PLB1: variants seen among roughly 807,000 people sequenced by gnomAD.
PLB1 encodes the protein phospholipase B1, membrane-associated.
A neutral mutation model predicts 227.4 loss-of-function variants in PLB1; 242 were observed. That is an observed-to-expected ratio of 1.06 (90% confidence interval 0.96 to 1.18). The LOEUF is 1.18. PLB1 is among the 50% of genes most tolerant of loss of function. The pLI is 0.00. For synonymous variants in PLB1, 757 were observed against 682.2 expected (o/e 1.11, Z -1.71); for missense variants, 1,858 against 1,816.3 (o/e 1.02, Z -0.42).
At chr2:28,625,240 C>T (rs995039552) in intron 50 of PLB1, 132 bp downstream of exon 50, 2 of 823,770 alleles carry the variant, frequency 2.4e-6, no homozygotes, top group African/African-American at 1.8e-5. Context: ...CTCGGAGAAG[C>T]AGTCCTTACC....
intron 4 of PLB1, among the ~76,000 whole-genome samples, chr2:28,522,916 C>G (rs1329156077): frequency 6.6e-6 from 1 of 152,152 alleles, no homozygotes; most frequent in African/African-American, 2.4e-5. Flanking sequence ...AAAGCTAGAC[C>G]AGGGCAAAAT....
chr2:28,504,469 G>A (rs116809589), intron 1 of PLB1, among the ~76,000 whole-genome samples: 61 of 152,250 alleles, frequency 4.0e-4, no homozygotes, highest in African/African-American at 1.1e-3. Context: ...AGGGCCAGGC[G>A]CAGTGGCTCA....
intron 23 of PLB1, among the ~76,000 whole-genome samples, chr2:28,580,003 A>G (rs1679653140): frequency 6.6e-6 from 1 of 152,206 alleles, no homozygotes; most frequent in African/African-American, 2.4e-5. Context: ...AATCTTTCCC[A>G]TGTTCACAGA....
intron 1 of PLB1, among the ~76,000 whole-genome samples, chr2:28,512,511 T>C (rs1405946516): frequency 6.6e-6 from 1 of 152,186 alleles, no homozygotes; most frequent in Non-Finnish European, 1.5e-5. Flanking sequence ...CTGGTAACTT[T>C]TGTTTGAAGA....
chr2:28,531,738 C>T (rs1301120670), intron 8 of PLB1, among the ~76,000 whole-genome samples: 1 of 152,214 alleles, frequency 6.6e-6, no homozygotes, highest in Non-Finnish European at 1.5e-5. Context: ...GTTTACACAG[C>T]AGTCCCCTCT....
intron 26 of PLB1, among the ~76,000 whole-genome samples, chr2:28,587,569 C>T (rs537830626): frequency 5.1e-4 from 77 of 151,918 alleles, no homozygotes; most frequent in Middle Eastern, 6.8e-3. Context: ...GAGATTGCAC[C>T]GTTGCGCTCC....
At chr2:28,556,493 A>G (rs1386778910) in intron 17 of PLB1, among the ~76,000 whole-genome samples, 1 of 152,188 alleles carries the variant, frequency 6.6e-6, no homozygotes, top group African/African-American at 2.4e-5. Flanking sequence ...CATAGATGCA[A>G]TTTGCCAAGT....
chr2:28,516,213 A>C (rs2148174462), intron 1 of PLB1, among the ~76,000 whole-genome samples: 1 of 152,344 alleles, frequency 6.6e-6, no homozygotes, highest in Admixed American at 6.5e-5. Flanking sequence ...ATGTTTTTAA[A>C]GACTGACCAA....
Position 28,598,678 on chromosome 2 carries a change from C to T in PLB1, c.2392C>T (p.Leu798Phe). Residue 798 changes from leucine to phenylalanine, a missense_variant, in exon 35 of 58, where the codon CTC becomes TTC. Transcript: ENST00000327757. ...PNILREFNRNLTGYAVGTGDA... is the reference protein window; with the variant it reads ...PNILREFNRNFTGYAVGTGDA... Reference sequence around the variant, plus strand: ...TATCCTTCGGGAGTTTAACAGAAACCTCACAGGCTACGCCGTGGGCACGGG... The same window carrying T: ...TATCCTTCGGGAGTTTAACAGAAACTTCACAGGCTACGCCGTGGGCACGGG... The T allele has an allele frequency of 6.2e-7, 1 of 1,614,186 alleles. No individual in the cohort carries two copies. Among genetic ancestry groups the T allele is most frequent in the African/African-American group, 1.3e-5 (1 of 75,066 alleles).
intron 6 of PLB1, among the ~76,000 whole-genome samples, chr2:28,528,408 C>T (rs1240140303): frequency 6.6e-6 from 1 of 152,166 alleles, no homozygotes; most frequent in Non-Finnish European, 1.5e-5. Context: ...CTATTTTTAG[C>T]GGTCCTCTGG....
intron 13 of PLB1, among the ~76,000 whole-genome samples, chr2:28,542,764 C>T (rs1056972900): frequency 4.6e-5 from 7 of 152,320 alleles, no homozygotes; most frequent in East Asian, 1.9e-4. Flanking sequence ...AGCCTCAGTC[C>T]CGTGTCTGGG....
At chr2:28,561,688 C>T (rs1007158800) in intron 17 of PLB1, among the ~76,000 whole-genome samples, 5 of 151,964 alleles carry the variant, frequency 3.3e-5, no homozygotes, top group African/African-American at 9.7e-5. Flanking sequence ...GCCAGGAGTT[C>T]GAGACCAGCC....
chr2:28,642,013 C>G lies in PLB1; in HGVS notation c.4174-845C>G, dbSNP rs116102262. Among the ~76,000 whole-genome samples, 583 of 152,200 alleles carry G rather than the reference C, an allele frequency of 3.8e-3. 1 individual carries two copies. Among genetic ancestry groups the G allele is most frequent in the Non-Finnish European group, 5.9e-3 (399 of 68,002 alleles). On this transcript the variant is annotated intron_variant, in intron 57 of 57. Transcript: ENST00000327757. ...CACGACTGCCCGCATCCAGGCCTTT[C>G]CTTTTGCCATCTGTTCCTGGAGGTT... is the stretch of plus-strand genomic sequence containing the variant.
chr2:28,641,761 C>G (rs1361560263), intron 57 of PLB1, among the ~76,000 whole-genome samples: 2 of 152,130 alleles, frequency 1.3e-5, no homozygotes, highest in Admixed American at 1.3e-4. Flanking sequence ...GGCCCACCTT[C>G]GAAGCCTGTG....
Position 28,605,937 on chromosome 2 carries a change from T to G in PLB1, c.3046T>G (p.Trp1016Gly), listed in dbSNP as rs779956162. ...KFHSQLARAL[W>G]TNMLEPLGSK... is the part of the protein sequence containing the mutation. ...CCACTCCCAGCTGGCCAGAGCCCTTTGGACCAATATGGTAAAATAAGTGGG... is the reference window on the plus strand; with the variant it reads ...CCACTCCCAGCTGGCCAGAGCCCTTGGGACCAATATGGTAAAATAAGTGGG... The change falls in exon 42 of 58, where the codon TGG (tryptophan) becomes GGG (glycine). Residue 1016 changes from tryptophan to glycine, a missense_variant. By Grantham distance (184) the Trp-to-Gly change is radical. Transcript: ENST00000327757. The G allele has an allele frequency of 1.2e-6, 2 of 1,607,572 alleles. No individual in the cohort carries two copies. The highest frequency in any genetic ancestry group is 2.2e-5 in the East Asian group (1 of 44,842).
At chr2:28,526,998 G>A (rs1350486989) in intron 6 of PLB1, among the ~76,000 whole-genome samples, 1 of 152,164 alleles carries the variant, frequency 6.6e-6, no homozygotes, top group Non-Finnish European at 1.5e-5. Flanking sequence ...GAATCAAAGG[G>A]TTCTGAAAGG....
chr2:28,562,558 A>AAAAAAAAAAAAAAAC (rs1261725245), intron 17 of PLB1, among the ~76,000 whole-genome samples: 1 of 147,658 alleles, frequency 6.8e-6, no homozygotes, highest in Non-Finnish European at 1.5e-5. Flanking sequence ...AAAAAAAAAA[A>AAAAAAAAAAAAAAAC]AGTCAGTGGC....
chr2:28,599,465 T>C (rs887014779), intron 35 of PLB1, among the ~76,000 whole-genome samples: 14 of 152,314 alleles, frequency 9.2e-5, no homozygotes, highest in Admixed American at 6.5e-4. Context: ...GAAAGACTCT[T>C]GGTAATAGAA....
intron 49 of PLB1, 111 bp from the exon 50 acceptor site, chr2:28,624,946 A>T: frequency 1.0e-6 from 1 of 998,830 alleles, no homozygotes; most frequent in Non-Finnish European, 1.6e-6. Context: ...TGACCTTTGT[A>T]CTGGTAACAT....
Sources: gnomAD v4.1 joint callset for allele counts (sites outside exome capture counted in the v4.1 genomes callset) on GRCh38, gnomAD v4.1.1 for gene constraint, MANE v1.5 for transcripts, NCBI Gene and HGNC (gene_info 2026-07-23, HGNC 2026-07-21) for gene names.